Variants in WWP1 observed in about 807,000 individuals in gnomAD.
WWP1 encodes NEDD4-like E3 ubiquitin-protein ligase WWP1.
Under a neutral mutation model 130.6 loss-of-function variants are expected in WWP1, and 49 were observed. The observed-to-expected ratio is 0.38, with a 90% CI of 0.30 to 0.48. The LOEUF (loss-of-function observed/expected upper bound fraction) is 0.48. WWP1 is among the 20% of genes least tolerant of loss of function. WWP1 has a pLI of 0.99. For synonymous variants in WWP1, 332 were observed against 367.8 expected, an observed-to-expected ratio of 0.90 and a Z score of 1.11; for missense variants, 809 against 1,100.6, an observed-to-expected ratio of 0.74 and a Z score of 3.75.
intron 8 of WWP1, among the ~76,000 whole-genome samples, chr8:86,406,160 A>C (rs1021781758): frequency 2.6e-5 from 4 of 152,196 alleles, no homozygotes; most frequent in African/African-American, 7.2e-5. Flanking sequence ...ACCACTTGCC[A>C]TGTTAACTCT....
chr8:86,411,464 T>C (rs1808580078), intron 8 of WWP1, 74 bp from the exon 9 acceptor site: 1 of 1,309,704 alleles, frequency 7.6e-7, no homozygotes, highest in South Asian at 1.4e-5. Flanking sequence ...TCTGAATAAG[T>C]GTAGTCAATT....
chr8:86,461,472 C>G, intron 23 of WWP1, 152 bp downstream of exon 23: 1 of 694,372 alleles, frequency 1.4e-6, no homozygotes, highest in East Asian at 2.7e-5. Flanking sequence ...TGGCTAATAT[C>G]AAAGCACTTG....
intron 21 of WWP1, among the ~76,000 whole-genome samples, chr8:86,455,382 A>G (rs1276877958): frequency 6.6e-6 from 1 of 152,012 alleles, no homozygotes; most frequent in Non-Finnish European, 1.5e-5. Context: ...AAAACTGCCT[A>G]TATTCACAGA....
intron 9 of WWP1, among the ~76,000 whole-genome samples, chr8:86,424,848 G>GGGAGCC (rs1181108675): frequency 9.3e-5 from 1 of 10,698 alleles, no homozygotes; most frequent in Non-Finnish European, 2.3e-4. Flanking sequence ...GGGAGGGGAG[G>GGGAGCC]GGAGGGGGAG....
At chr8:86,457,464 A>G (rs1811518225) in intron 21 of WWP1, among the ~76,000 whole-genome samples, 2 of 151,102 alleles carry the variant, frequency 1.3e-5, no homozygotes, top group African/African-American at 2.5e-5. Context: ...TCTAGATATA[A>G]ATCTATATAT....
At chr8:86,442,400 A>AG in intron 17 of WWP1, 1 of 363,292 alleles carries the variant, frequency 2.8e-6, no homozygotes, top group Non-Finnish European at 4.9e-6. Context: ...TATCTATATG[A>AG]GGATCAGTGA....
At chr8:86,401,174 C>A (rs764625424) in intron 7 of WWP1, among the ~76,000 whole-genome samples, 22 of 151,542 alleles carry the variant, frequency 1.5e-4, no homozygotes, top group Non-Finnish European at 2.5e-4. Context: ...TTTTGATCAT[C>A]CTGTAGTCAT....
Position 86,351,827 on chromosome 8 carries a change from A to T in WWP1, c.-115+8897A>T, listed in dbSNP as rs144890490. On this transcript the variant is annotated intron_variant, in intron 1 of 24. Transcript: ENST00000517970. ...AATCCTTATATAACAGTCGTCTGGG[A>T]TGCTTATTAAACATGTTGATTCTTG... Among the ~76,000 whole-genome samples the T allele has an allele frequency of 4.1e-4, 62 of 152,264 alleles. 1 individual carries two copies. The highest frequency in any genetic ancestry group is 1.4e-3 in the African/African-American group (60 of 41,556).
chr8:86,414,931 T>A (rs550917752), intron 9 of WWP1, among the ~76,000 whole-genome samples: 117 of 113,364 alleles, frequency 1.0e-3, no homozygotes, highest in Non-Finnish European at 1.6e-3. Context: ...GGCAACTGGG[T>A]CATGGCATAT....
chr8:86,385,428 T>G (rs1042079906), intron 5 of WWP1, among the ~76,000 whole-genome samples: 1 of 152,084 alleles, frequency 6.6e-6, no homozygotes, highest in Non-Finnish European at 1.5e-5. Context: ...ACAATCTAGC[T>G]CTTCAGGAAG....
chr8:86,458,768 A>G (rs1361777733), intron 22 of WWP1, among the ~76,000 whole-genome samples: 1 of 152,196 alleles, frequency 6.6e-6, no homozygotes, highest in Non-Finnish European at 1.5e-5. Context: ...GCATCTTTTC[A>G]TAAGGATGTA....
At chr8:86,367,884 GTT>G (rs1268253207) in intron 1 of WWP1, among the ~76,000 whole-genome samples, 1 of 152,114 alleles carries the variant, frequency 6.6e-6, no homozygotes, top group African/African-American at 2.4e-5. Context: ...CTCTCATTCT[GTT>G]CAACATTTAT....
intron 8 of WWP1, among the ~76,000 whole-genome samples, chr8:86,403,133 A>C (rs949282356): frequency 3.9e-5 from 6 of 152,182 alleles, no homozygotes; most frequent in Non-Finnish European, 7.3e-5. Flanking sequence ...GACGTGTTTA[A>C]GATTATTAGC....
chr8:86,424,136 C>A (rs1166729467), intron 9 of WWP1, among the ~76,000 whole-genome samples: 1 of 149,834 alleles, frequency 6.7e-6, no homozygotes, highest in African/African-American at 2.5e-5. Context: ...GATGGGGCGG[C>A]CGGGCAGAGA....
chr8:86,345,759 T>G (rs940182238), intron 1 of WWP1, among the ~76,000 whole-genome samples: 4 of 152,154 alleles, frequency 2.6e-5, no homozygotes, highest in African/African-American at 9.7e-5. Context: ...TTCTGTGTAC[T>G]GATAAGAACT....
At chr8:86,351,776 G>T (rs1431412262) in intron 1 of WWP1, among the ~76,000 whole-genome samples, 2 of 152,166 alleles carry the variant, frequency 1.3e-5, no homozygotes, top group Non-Finnish European at 2.9e-5. Flanking sequence ...ATGAAATATT[G>T]TATTGACCAG....
intron 1 of WWP1, among the ~76,000 whole-genome samples, chr8:86,368,712 C>G (rs562799696): frequency 2.6e-5 from 4 of 152,108 alleles, no homozygotes; most frequent in Non-Finnish European, 5.9e-5. Context: ...GTTCCATTGT[C>G]CACTATGCAA....
At position 86,380,770 on chromosome 8, in the gene WWP1, G is replaced by A. The variant is rs1300680876; in HGVS notation, c.115G>A (p.Ala39Thr). The A allele has an allele frequency of 1.2e-6, 2 of 1,612,418 alleles. No individual in the cohort carries two copies. Among genetic ancestry groups the A allele is most frequent in the South Asian group, 2.2e-5 (2 of 90,642 alleles). The change falls in exon 4 of 25, where the codon GCA (alanine) becomes ACA (threonine). Residue 39 changes from alanine (A) to threonine (T), a missense_variant. Physicochemically the swap from Ala to Thr is moderately conservative, Grantham distance 58. This residue lies in a region of WWP1 where 262 missense variants were observed against 346.0 expected (regional missense o/e 0.76). Coordinates refer to ENST00000517970, the MANE Select transcript of WWP1 (RefSeq NM_007013.4). ...LKRKKNWFGT[A>T]IYTEVVVDGE... Reference sequence around the variant, plus strand: ...AAGAAAAAAGAACTGGTTCGGAACAGCAATATATACAGAAGTAGTTGTAGA... The same window carrying A: ...AAGAAAAAAGAACTGGTTCGGAACAACAATATATACAGAAGTAGTTGTAGA...
At chr8:86,385,790 G>C (rs1825246619) in intron 5 of WWP1, among the ~76,000 whole-genome samples, 1 of 152,108 alleles carries the variant, frequency 6.6e-6, no homozygotes. Context: ...CACAGCCAAA[G>C]ATTTTTTAAA....
Sources: gnomAD v4.1 joint callset for allele counts (sites outside exome capture counted in the v4.1 genomes callset) on GRCh38, gnomAD v4.1.1 for gene constraint, gnomAD v4.1.1 regional missense constraint, MANE v1.5 for transcripts, NCBI Gene and HGNC (gene_info 2026-07-23, HGNC 2026-07-21) for gene names.